The following MACROD2 variants were observed in gnomAD, a reference collection of about 807,000 sequenced individuals.
MACROD2 encodes the protein mono-ADP ribosylhydrolase 2.
In MACROD2, 36 loss-of-function variants were observed where a neutral mutation model predicts 70.4. The observed-to-expected ratio is 0.51, with a 90% confidence interval of 0.39 to 0.68. The LOEUF (loss-of-function observed/expected upper bound fraction) is 0.68, where lower values mean the gene tolerates loss of function less well. Ranked by LOEUF, MACROD2 falls within the 30% of genes least tolerant of loss-of-function variation. The pLI is 0.00. For missense variants in MACROD2, 496 were observed against 538.4 expected (o/e 0.92, Z 0.78); for synonymous variants, 172 against 178.8 (o/e 0.96, Z 0.30).
intron 5 of MACROD2, among the ~76,000 whole-genome samples, chr20:15,003,937 G>A (rs541380896): frequency 2.3e-4 from 35 of 151,942 alleles, no homozygotes; most frequent in South Asian, 1.9e-3. Context: ...GTTCCATCTG[G>A]ACCTGCCAAT....
intron 5 of MACROD2, among the ~76,000 whole-genome samples, chr20:14,863,906 A>G (rs780273687): frequency 6.6e-6 from 1 of 152,102 alleles, no homozygotes; most frequent in Non-Finnish European, 1.5e-5. Context: ...CCATTGTTAA[A>G]CTTGACTAGT....
At chr20:14,998,758 A>G (rs914104990) in intron 5 of MACROD2, among the ~76,000 whole-genome samples, 3 of 152,220 alleles carry the variant, frequency 2.0e-5, no homozygotes, top group African/African-American at 7.2e-5. Context: ...AGAGAAAGAT[A>G]TCAACGTGCA....
chr20:14,593,234 G>C (rs893622201), intron 4 of MACROD2, among the ~76,000 whole-genome samples: 1 of 152,090 alleles, frequency 6.6e-6, no homozygotes, highest in Non-Finnish European at 1.5e-5. Context: ...TTCGATTAGA[G>C]GAAATTTTTT....
intron 8 of MACROD2, among the ~76,000 whole-genome samples, chr20:15,783,944 T>C (rs1307686419): frequency 2.6e-5 from 4 of 152,176 alleles, no homozygotes; most frequent in Non-Finnish European, 5.9e-5. Context: ...AGGAAAGGGA[T>C]GCGAGCTGGC....
intron 3 of MACROD2, chr20:14,327,149 T>C (rs758243360): frequency 2.5e-6 from 4 of 1,613,722 alleles, no homozygotes; most frequent in Non-Finnish European, 3.4e-6. Context: ...GAATCATAAG[T>C]GATAGTCCTT....
chr20:15,215,853 C>T (rs1292587694), intron 5 of MACROD2, among the ~76,000 whole-genome samples: 1 of 151,964 alleles, frequency 6.6e-6, no homozygotes, highest in East Asian at 1.9e-4. Flanking sequence ...GGAAAGGAAA[C>T]AGCTGAAGAC....
At chr20:14,071,244 C>T (rs964576971) in intron 2 of MACROD2, among the ~76,000 whole-genome samples, 2 of 112,466 alleles carry the variant, frequency 1.8e-5, no homozygotes, top group Non-Finnish European at 1.9e-5. Context: ...TTGGCCATTT[C>T]ATCTTGTGTT....
chr20:14,973,886 C>G (rs2074714109), intron 5 of MACROD2, among the ~76,000 whole-genome samples: 1 of 152,018 alleles, frequency 6.6e-6, no homozygotes. Flanking sequence ...CAGTTACTAC[C>G]TTATGAAAGG....
intron 3 of MACROD2, among the ~76,000 whole-genome samples, chr20:14,469,337 C>CTTTCT (rs1361267365): frequency 6.6e-6 from 1 of 152,036 alleles, no homozygotes; most frequent in African/African-American, 2.4e-5. Flanking sequence ...GTAACCTGAC[C>CTTTCT]TTTCTCTCTG....
chr20:14,386,923 G>A (rs922796048), intron 3 of MACROD2, among the ~76,000 whole-genome samples: 2 of 152,168 alleles, frequency 1.3e-5, no homozygotes, highest in South Asian at 2.1e-4. Context: ...ACATCACCAG[G>A]AGTGTGTGAT....
intron 8 of MACROD2, among the ~76,000 whole-genome samples, chr20:15,563,189 G>A (rs1176542784): frequency 6.6e-6 from 1 of 152,174 alleles, no homozygotes; most frequent in Admixed American, 6.5e-5. Flanking sequence ...CTAGAAAGAT[G>A]TGCTTCTCAT....
At chr20:14,893,268 G>A (rs1457179871) in intron 5 of MACROD2, 1 of 152,122 alleles carries the variant, frequency 6.6e-6, no homozygotes, top group Non-Finnish European at 1.5e-5. Flanking sequence ...TGGATGTGCA[G>A]ATATCTCTTG....
chr20:14,354,077 A>G (rs1307697194), intron 3 of MACROD2, among the ~76,000 whole-genome samples: 1 of 152,136 alleles, frequency 6.6e-6, no homozygotes, highest in Non-Finnish European at 1.5e-5. Context: ...TGTTTTACCA[A>G]TCTAATGATC....
rs565595836 is a variant in MACROD2 at position 14,958,297 on chromosome 20, T to C, written c.419-271643T>C. Among the ~76,000 whole-genome samples the C allele has an allele frequency of 2.6e-5, 4 of 152,296 alleles. No homozygotes were observed. The East Asian group carries it at 7.7e-4, about 29-fold the overall frequency. On this transcript the variant is annotated intron_variant, in intron 5 of 17. Transcript: ENST00000684519. ...GGTTTATAAATAACTAGGACTATCTTTTAAGAGTGGGAGCTTCTTGACATT... is the reference window on the plus strand; with the variant it reads ...GGTTTATAAATAACTAGGACTATCTCTTAAGAGTGGGAGCTTCTTGACATT...
At chr20:15,040,825 A>T (rs757804067) in intron 5 of MACROD2, among the ~76,000 whole-genome samples, 2 of 152,096 alleles carry the variant, frequency 1.3e-5, no homozygotes, top group Non-Finnish European at 2.9e-5. Context: ...TATTTAAGTA[A>T]CTCTAGAGTC....
chr20:15,212,320 C>A (rs141374432), intron 5 of MACROD2, among the ~76,000 whole-genome samples: 9 of 152,172 alleles, frequency 5.9e-5, no homozygotes, highest in African/African-American at 2.2e-4. Flanking sequence ...TGCACATGCA[C>A]ACCCTGATCT....
rs112226464 is a variant in MACROD2, at chr20:14,524,396, A to G, written c.301+30888A>G. ...GTTCTTAACCACTTTCTCTATCTTT[A>G]CTAGAGTTGGCTAGGGCTCTAGAGA... On this transcript the variant is annotated intron_variant, in intron 4 of 17. Coordinates refer to ENST00000684519, the MANE Select transcript of MACROD2 (RefSeq NM_001351661.2). 3.1e-4 allele frequency among the ~76,000 whole-genome samples: 47 copies of G among 152,240 alleles called. 1 individual carries two copies. Among genetic ancestry groups the G allele is most frequent in the African/African-American group, 1.1e-3 (45 of 41,538 alleles).
intron 5 of MACROD2, among the ~76,000 whole-genome samples, chr20:14,849,081 G>T (rs1672803383): frequency 6.6e-6 from 1 of 152,150 alleles, no homozygotes; most frequent in South Asian, 2.1e-4. Flanking sequence ...AGATAAACAT[G>T]TTAGCTGACT....
chr20:14,409,171 C>T (rs1208600831), intron 3 of MACROD2, among the ~76,000 whole-genome samples: 5 of 123,878 alleles, frequency 4.0e-5, no homozygotes, highest in Non-Finnish European at 4.9e-5. Context: ...TTTTTCCAAA[C>T]GTATCCCCTA....
Sources: allele counts gnomAD v4.1 joint callset (sites outside exome capture counted in the v4.1 genomes callset), GRCh38; gene constraint gnomAD v4.1.1; transcripts MANE v1.5; gene names NCBI Gene and HGNC (gene_info 2026-07-23, HGNC 2026-07-21).